Variants in MROH2A observed in about 807,000 individuals in gnomAD.
The protein encoded by MROH2A is maestro heat-like repeat-containing protein family member 2A.
MROH2A carries 174 observed loss-of-function variants against 200.4 expected under a neutral mutation model. That is an observed-to-expected ratio of 0.87 (90% confidence interval 0.77 to 0.98). MROH2A has a LOEUF of 0.98. MROH2A is among the 50% of genes least tolerant of loss of function. The pLI is 0.00. For synonymous variants in MROH2A, 829 were observed against 840.4 expected (o/e 0.99, Z 0.23); for missense variants, 2,045 against 2,139.6 (o/e 0.96, Z 0.87).
rs1452776226 is a variant in MROH2A, at chr2:233,807,498, G to C, written c.2128G>C (p.Glu710Gln). 1 of 1,550,510 alleles carries C rather than the reference G, an allele frequency of 6.4e-7. No individual in the cohort carries two copies. The highest frequency in any genetic ancestry group is 2.0e-5 in the Admixed American group (1 of 50,988). ...CAGCAAGGTGGAGGTCCTGCTGTTG[G>C]AGCTGCTGTACAAGACGGACTACAG... The part of the protein sequence containing the change: ...EASKVEVLLL[E>Q]LLYKTDYSND... Residue 710 changes from glutamate (E) to glutamine (Q), a missense_variant, in exon 20 of 42, where the codon GAG becomes CAG. By Grantham distance (29) the Glu-to-Gln change is conservative. This residue lies in a region of MROH2A where 1,201 missense variants were observed against 1,311.3 expected (regional missense o/e 0.92). Coordinates refer to ENST00000389758, the MANE Select transcript of MROH2A (RefSeq NM_001394639.1). This position sits in a 1 kb window ranked among gnomAD's most constrained non-coding sequence, Gnocchi z 4.3.
chr2:233,794,327 G>C, intron 7 of MROH2A, 36 bp from the exon 8 acceptor site: 1 of 1,479,896 alleles, frequency 6.8e-7, no homozygotes. Context: ...GGAGGGTGGT[G>C]AGACAATGCG....
chr2:233,822,835 GC>G (rs1704038208), intron 33 of MROH2A, 45 bp from the exon 34 acceptor site: 1 of 1,543,358 alleles, frequency 6.5e-7, no homozygotes, highest in South Asian at 1.2e-5. Context: ...CCCAGGCCAT[GC>G]GCTCCCAGCA....
At position 233,789,616 on chromosome 2, in the gene MROH2A, G is replaced by A; in HGVS notation, c.396G>A (p.Arg132=). ...TGGCCATTGCCTCCAAGGAGATGAGGGAGATCCCAGAGGTAGGACCCCAAG... is the reference window on the plus strand; with the variant it reads ...TGGCCATTGCCTCCAAGGAGATGAGAGAGATCCCAGAGGTAGGACCCCAAG... ...RLVAIASKEM[R]EIPEMEGYMK... Residue 132 remains arginine (R), a synonymous_variant, in exon 4 of 42, where the codon AGG becomes AGA. Transcript: ENST00000389758. 1 of 1,466,882 alleles carries A rather than the reference G, an allele frequency of 6.8e-7. No homozygotes were observed. The highest frequency in any genetic ancestry group is 9.0e-7 in the Non-Finnish European group (1 of 1,107,096). The allele number at this position is 1,466,882 out of a possible 1,614,324, so 90.9% of individuals were successfully genotyped here. A position where few individuals can be genotyped will look rare whatever the true frequency, so the allele number is the denominator to read the frequency against.
Position 233,822,240 on chromosome 2 carries a change from C to G in MROH2A, c.3629C>G (p.Ser1210Cys). The G allele has an allele frequency of 6.5e-7, 1 of 1,547,984 alleles. No homozygotes were observed. Among genetic ancestry groups the G allele is most frequent in the Non-Finnish European group, 8.7e-7 (1 of 1,147,010 alleles). Reference sequence around the variant, plus strand: ...CTCAGCCCCAGAATCAGTGCCACCTCCAAGGCTGACATCTGGCGCCTGGCT... The same window carrying G: ...CTCAGCCCCAGAATCAGTGCCACCTGCAAGGCTGACATCTGGCGCCTGGCT... The part of the protein sequence containing the change: ...SRLSPRISAT[S>C]KADIWRLAAV... Residue 1210 changes from serine to cysteine, a missense_variant, in exon 32 of 42, where the codon TCC becomes TGC. Ser to Cys is a moderately radical substitution (Grantham distance 112, BLOSUM62 -1). Around this residue, in one of 3 missense-constraint regions of MROH2A, gnomAD observed 1,201 missense variants for 1,311.3 expected, o/e 0.92. Coordinates refer to ENST00000389758, the MANE Select transcript of MROH2A (RefSeq NM_001394639.1).
chr2:233,823,206 C>A (rs534760479), intron 34 of MROH2A, among the ~76,000 whole-genome samples, 188 bp downstream of exon 34: 1 of 152,210 alleles, frequency 6.6e-6, no homozygotes, highest in Non-Finnish European at 1.5e-5. Flanking sequence ...TTATTCGAAC[C>A]CTTCCTGCTC....
At chr2:233,790,406 C>CCCTTCCTTCCTCCCTCCCT in intron 5 of MROH2A, among the ~76,000 whole-genome samples, 1 of 122,122 alleles carries the variant, frequency 8.2e-6, no homozygotes, top group Non-Finnish European at 1.8e-5. Flanking sequence ...CTCCATCCCA[C>CCCTTCCTTCCTCCCTCCCT]CCTTCCTTCC....
intron 5 of MROH2A, among the ~76,000 whole-genome samples, chr2:233,791,704 G>A (rs995390984): frequency 5.9e-5 from 9 of 152,152 alleles, no homozygotes; most frequent in African/African-American, 2.2e-4. Context: ...CGTGGAATGT[G>A]AGGCCTGGCA....
In MROH2A at chr2:233,828,469, A is replaced by T; in HGVS notation, c.4114-161A>T. 1 of 795,824 alleles carries T rather than the reference A, an allele frequency of 1.3e-6. No individual in the cohort carries two copies. Among genetic ancestry groups the T allele is most frequent in the Non-Finnish European group, 2.0e-6 (1 of 504,652 alleles). 49.3% of individuals were successfully genotyped at this position (795,824 alleles called of 1,614,324 possible). ...CCACACAGACCCTGAGGCAGGTACT[A>T]GCATCACCCGCTTTTTATAGAGAGG... On this transcript the variant is annotated intron_variant, in intron 35 of 41. Coordinates refer to ENST00000389758, the MANE Select transcript of MROH2A (RefSeq NM_001394639.1). The surrounding 1 kb of genome is among the most constrained non-coding windows in gnomAD (Gnocchi z 4.6).
intron 41 of MROH2A, 98 bp from the exon 42 acceptor site, chr2:233,833,040 C>A (rs1256626961): frequency 2.1e-5 from 30 of 1,412,820 alleles, no homozygotes; most frequent in Non-Finnish European, 2.8e-5. Flanking sequence ...CCCCTGCCCA[C>A]CTTCTGCGGC....
Position 233,804,349 on chromosome 2 carries a change from G to T in MROH2A, c.1892-146G>T, listed in dbSNP as rs532766267. 99 of 1,318,658 alleles carry T rather than the reference G, an allele frequency of 7.5e-5. No homozygotes were observed. The Middle Eastern group carries it at 1.8e-3, about 25-fold the overall frequency. The allele number at this position is 1,318,658 out of a possible 1,614,324, so 81.7% of individuals were successfully genotyped here. On this transcript the variant is annotated intron_variant, in intron 17 of 41. Transcript: ENST00000389758. Reference sequence around the variant, plus strand: ...GAGAACTGGTTGAGCAGCTTGGGAAGGTGAGGAGTGCAATGCAACGTGTGA... The same window carrying T: ...GAGAACTGGTTGAGCAGCTTGGGAATGTGAGGAGTGCAATGCAACGTGTGA...
At position 233,807,718 on chromosome 2, in the gene MROH2A, T is replaced by C. The variant is rs1559463486; in HGVS notation, c.2173-15T>C. 1 of 1,550,660 alleles carries C rather than the reference T, an allele frequency of 6.4e-7. No homozygotes were observed. The highest frequency in any genetic ancestry group is 8.7e-7 in the Non-Finnish European group (1 of 1,146,996). On this transcript the variant is annotated splice_polypyrimidine_tract_variant and intron_variant, in intron 20 of 41. Transcript: ENST00000389758. The surrounding 1 kb of genome is among the most constrained non-coding windows in gnomAD (Gnocchi z 4.3). ...GGCCCCTGCCCTCACCCTGGCTGGC[T>C]GGGTCTCCCTGCAGGGTGTGATTAT...
chr2:233,786,619 T>C lies in MROH2A; in HGVS notation c.277-2878T>C, dbSNP rs899643907. ...GTTGTTTTGTACTTAAAAAGCATGC[T>C]GATGGACAACTTGTTACTATCTCTA... On this transcript the variant is annotated intron_variant, in intron 3 of 41. Coordinates refer to ENST00000389758, the MANE Select transcript of MROH2A (RefSeq NM_001394639.1). Among the ~76,000 whole-genome samples, 9 of 152,230 alleles carry C rather than the reference T, an allele frequency of 5.9e-5. No homozygotes were observed. The East Asian group carries it at 1.7e-3, about 29-fold the overall frequency.
chr2:233,802,456 A>ATT, intron 15 of MROH2A, 141 bp downstream of exon 15: 1 of 923,788 alleles, frequency 1.1e-6, no homozygotes, highest in Non-Finnish European at 1.6e-6. Flanking sequence ...AATACTATTA[A>ATT]TGCCTACCTG....
chr2:233,800,094 G>A, intron 13 of MROH2A, 111 bp from the exon 14 acceptor site: 1 of 1,063,178 alleles, frequency 9.4e-7, no homozygotes, highest in Non-Finnish European at 1.4e-6. Flanking sequence ...TGAGCATTCT[G>A]TAGACTCAGT....
At position 233,831,479 on chromosome 2, in the gene MROH2A, C is replaced by T. The variant is rs1332538575; in HGVS notation, c.4673C>T (p.Pro1558Leu). The change falls in exon 39 of 42, where the codon CCA (proline) becomes CTA (leucine). Residue 1558 changes from proline (P) to leucine (L), a missense_variant. By Grantham distance (98) the Pro-to-Leu change is moderately conservative (BLOSUM62 -3). Around this residue, in one of 3 missense-constraint regions of MROH2A, gnomAD observed 1,201 missense variants for 1,311.3 expected, o/e 0.92. Coordinates refer to ENST00000389758, the MANE Select transcript of MROH2A (RefSeq NM_001394639.1). ...GWKSLEHPSG[P>L]SDTATDDKMT... ...AAGTCCCTGGAGCATCCCTCAGGGC[C>T]AAGTGATACCGCTACTGATGACAAG... is the stretch of plus-strand genomic sequence containing the variant. 1 of 1,550,552 alleles carries T rather than the reference C, an allele frequency of 6.4e-7. No homozygotes were observed.
chr2:233,808,115 G>A (rs1702923173), intron 21 of MROH2A, among the ~76,000 whole-genome samples: 1 of 152,212 alleles, frequency 6.6e-6, no homozygotes. Flanking sequence ...ACTCATGGTG[G>A]GGTTCTCAGA....
At chr2:233,806,636 G>A (rs146386532) in intron 19 of MROH2A, among the ~76,000 whole-genome samples, 2 of 152,218 alleles carry the variant, frequency 1.3e-5, no homozygotes, top group African/African-American at 4.8e-5. Flanking sequence ...GGGAGTAGGT[G>A]GAGAAATTGG....
At position 233,833,358 on chromosome 2, in the gene MROH2A, T is replaced by C. The variant is rs1704916624; in HGVS notation, c.*99T>C. ...GTTTAGTTTGTAGGAAAAACACTAT[T>C]GTAAAATAACTAGTATCCTTTTGTT... On this transcript the variant is annotated 3_prime_UTR_variant, in exon 42 of 42. Coordinates refer to ENST00000389758, the MANE Select transcript of MROH2A (RefSeq NM_001394639.1). 1 of 1,286,330 alleles carries C rather than the reference T, an allele frequency of 7.8e-7. No individual in the cohort carries two copies. The highest frequency in any genetic ancestry group is 1.0e-6 in the Non-Finnish European group (1 of 964,860). 79.7% of individuals were successfully genotyped at this position (1,286,330 alleles called of 1,614,324 possible).
intron 39 of MROH2A, 80 bp from the exon 40 acceptor site, chr2:233,832,097 A>G: frequency 8.4e-7 from 1 of 1,195,186 alleles, no homozygotes; most frequent in Non-Finnish European, 1.2e-6. Context: ...CATCTTGGTG[A>G]TGGGAACACG....
Sources: allele counts gnomAD v4.1 joint callset (sites outside exome capture counted in the v4.1 genomes callset), GRCh38; gene constraint gnomAD v4.1.1; regional missense constraint gnomAD v4.1.1; non-coding constraint Gnocchi (gnomAD v3.1); transcripts MANE v1.5; gene names NCBI Gene and HGNC (gene_info 2026-07-23, HGNC 2026-07-21).